SLC35D2: variants seen among roughly 807,000 people sequenced by gnomAD.
The protein encoded by SLC35D2 is solute carrier family 35 member D2.
A neutral mutation model predicts 41.8 loss-of-function variants in SLC35D2; 43 were observed. That is an observed-to-expected ratio of 1.03 (90% CI 0.81 to 1.33). The LOEUF is 1.33. Ranked by LOEUF, SLC35D2 falls within the 40% of genes most tolerant of loss-of-function variation. The pLI is 0.00. For missense variants in SLC35D2, 380 were observed against 408.4 expected (o/e 0.93, Z 0.60); for synonymous variants, 150 against 163.9 (o/e 0.92, Z 0.65).
intron 4 of SLC35D2, among the ~76,000 whole-genome samples, chr9:96,358,079 T>TA (rs1564114015): frequency 0.13 from 10,895 of 84,442 alleles, 813 homozygotes; most frequent in Non-Finnish European, 0.17. Flanking sequence ...TATTATATAT[T>TA]TTATATATAT....
At chr9:96,368,453 CT>C (rs1830558532) in intron 1 of SLC35D2, 148 bp from the exon 2 acceptor site, 1 of 674,556 alleles carries the variant, frequency 1.5e-6, no homozygotes, top group African/African-American at 2.1e-5. Flanking sequence ...TTTTTTTTTT[CT>C]TTTTAAGACA....
chr9:96,383,447 C>A, intron 1 of SLC35D2, 30 bp downstream of exon 1: 1 of 1,506,682 alleles, frequency 6.6e-7, no homozygotes. Flanking sequence ...CGCACTCCCG[C>A]AGACCCCCCG....
intron 3 of SLC35D2, among the ~76,000 whole-genome samples, chr9:96,363,203 G>A (rs1310312833): frequency 2.0e-5 from 3 of 147,270 alleles, no homozygotes; most frequent in African/African-American, 5.1e-5. Flanking sequence ...GTCTTACTAC[G>A]TTCTCCACAC....
chr9:96,354,519 C>T (rs974493651), intron 4 of SLC35D2, among the ~76,000 whole-genome samples: 3 of 152,176 alleles, frequency 2.0e-5, no homozygotes, highest in African/African-American at 7.2e-5. Flanking sequence ...GTAATCCCAA[C>T]ATTCTGGGAG....
chr9:96,360,144 T>C lies in SLC35D2; in HGVS notation c.347+10A>G. 3 of 1,607,742 alleles carry C rather than the reference T, an allele frequency of 1.9e-6. No homozygotes were observed. Among genetic ancestry groups the C allele is most frequent in the Non-Finnish European group, 2.6e-6 (3 of 1,174,846 alleles). On this transcript the variant is annotated intron_variant, in intron 4 of 11. Transcript: ENST00000253270. Reference sequence around the variant, plus strand: ...AGGAACTTTCCACCAGCCATTATCCTATACTCTACCTTAATTTACTTGTGC... The same window carrying C: ...AGGAACTTTCCACCAGCCATTATCCCATACTCTACCTTAATTTACTTGTGC...
At chr9:96,336,458 T>C (rs932418958) in intron 9 of SLC35D2, among the ~76,000 whole-genome samples, 6 of 152,200 alleles carry the variant, frequency 3.9e-5, no homozygotes, top group African/African-American at 1.4e-4. Flanking sequence ...CAGAAATCAA[T>C]AGGCAACATC....
At chr9:96,332,282 G>C (rs1449881842) in intron 9 of SLC35D2, among the ~76,000 whole-genome samples, 1 of 152,074 alleles carries the variant, frequency 6.6e-6, no homozygotes, top group African/African-American at 2.4e-5. Context: ...CACCCGTCAG[G>C]AGAGAAGAGA....
chr9:96,324,850 T>C (rs80073997), intron 9 of SLC35D2, among the ~76,000 whole-genome samples: 20,191 of 151,296 alleles, frequency 0.13, 1,771 homozygotes, highest in East Asian at 0.29. Context: ...CCACCGCGCC[T>C]GGCCCGCCTG....
chr9:96,382,760 A>G (rs1831260709), intron 1 of SLC35D2, among the ~76,000 whole-genome samples: 1 of 152,108 alleles, frequency 6.6e-6, no homozygotes, highest in African/African-American at 2.4e-5. Context: ...GCCTTCACAT[A>G]TAACAGCTCG....
intron 7 of SLC35D2, among the ~76,000 whole-genome samples, chr9:96,344,740 A>T (rs1229495032): frequency 1.9e-5 from 2 of 105,242 alleles, no homozygotes; most frequent in African/African-American, 7.7e-5. Flanking sequence ...GGGGAGGGGG[A>T]GGGATGGGGC....
At chr9:96,381,724 C>T (rs1049736485) in intron 1 of SLC35D2, among the ~76,000 whole-genome samples, 7 of 152,158 alleles carry the variant, frequency 4.6e-5, no homozygotes, top group African/African-American at 1.2e-4. Context: ...TTCCCAAGAA[C>T]GGTGGGAAAA....
Position 96,364,417 on chromosome 9 carries a change from T to G in SLC35D2, c.279+47A>C, listed in dbSNP as rs1190053523. 4 of 1,134,292 alleles carry G rather than the reference T, an allele frequency of 3.5e-6. 1 individual carries two copies. In the South Asian group the frequency reaches 5.0e-5, roughly 14 times the overall value. 70.3% of individuals were successfully genotyped at this position (1,134,292 alleles called of 1,614,324 possible). ...TGACCTGTACTCTAAAATCAATGTG[T>G]ATTTTCACATCTTCTATCACAGTCA... is the stretch of plus-strand genomic sequence containing the variant. On this transcript the variant is annotated intron_variant, in intron 3 of 11. Coordinates refer to ENST00000253270, the MANE Select transcript of SLC35D2 (RefSeq NM_007001.3).
chr9:96,325,023 T>C (rs755977952), intron 9 of SLC35D2, among the ~76,000 whole-genome samples: 46 of 152,190 alleles, frequency 3.0e-4, no homozygotes, highest in Non-Finnish European at 5.7e-4. Flanking sequence ...AGCTGAGCGA[T>C]TGCTGCCTTG....
chr9:96,347,678 C>T (rs890839444), intron 6 of SLC35D2, among the ~76,000 whole-genome samples: 4 of 152,184 alleles, frequency 2.6e-5, no homozygotes, highest in African/African-American at 9.7e-5. Context: ...ACCCGAGCAA[C>T]TCCATCTTAA....
At chr9:96,377,563 T>C (rs1831011191) in intron 1 of SLC35D2, among the ~76,000 whole-genome samples, 1 of 152,214 alleles carries the variant, frequency 6.6e-6, no homozygotes, top group African/African-American at 2.4e-5. Flanking sequence ...AGATTGTATG[T>C]ATGACTCACA....
chr9:96,352,705 C>A (rs975421350), intron 4 of SLC35D2, among the ~76,000 whole-genome samples: 3 of 152,092 alleles, frequency 2.0e-5, no homozygotes, highest in Admixed American at 1.3e-4. Flanking sequence ...ACCAATACAT[C>A]CTTTGACAAA....
intron 1 of SLC35D2, among the ~76,000 whole-genome samples, chr9:96,382,466 TACACACACACACACACACAC>T (rs35402465): frequency 7.5e-6 from 1 of 133,040 alleles, no homozygotes; most frequent in African/African-American, 3.0e-5. Flanking sequence ...AAAAATATTA[TACACACACACACACACACAC>T]ACACACACAC....
At chr9:96,355,059 G>A (rs1333348998) in intron 4 of SLC35D2, among the ~76,000 whole-genome samples, 2 of 150,874 alleles carry the variant, frequency 1.3e-5, no homozygotes, top group Non-Finnish European at 3.0e-5. Flanking sequence ...TTGCTCTATT[G>A]CCCAGGCTGG....
downstream of SLC35D2, among the ~76,000 whole-genome samples, chr9:96,320,408 C>T (rs147243420): frequency 6.6e-5 from 10 of 151,874 alleles, no homozygotes; most frequent in South Asian, 2.1e-4. Context: ...CCCAGCTACT[C>T]GGGAGGCTGA....
Sources: allele counts gnomAD v4.1 joint callset (sites outside exome capture counted in the v4.1 genomes callset), GRCh38; gene constraint gnomAD v4.1.1; transcripts MANE v1.5; gene names NCBI Gene and HGNC (gene_info 2026-07-23, HGNC 2026-07-21).